The following ZBTB8A variants were observed in gnomAD, a reference collection of about 807,000 sequenced individuals.
ZBTB8A encodes zinc finger and BTB domain containing 8A, also known as zinc finger and BTB domain-containing protein 8A.
A neutral mutation model predicts 37.8 loss-of-function variants in ZBTB8A; 19 were observed. The ratio of observed to expected loss-of-function variants is 0.50; its 90% CI spans 0.35 to 0.74. ZBTB8A has a LOEUF of 0.74. ZBTB8A is among the 30% of genes least tolerant of loss of function. The pLI, the probability that ZBTB8A is intolerant of heterozygous loss-of-function variation, is 0.01. For missense variants in ZBTB8A, 394 were observed against 537.8 expected (o/e 0.73, Z 2.65); for synonymous variants, 181 against 185.2 (o/e 0.98, Z 0.19).
chr1:32,578,848 G>A (rs1005823262), intron 2 of ZBTB8A, among the ~76,000 whole-genome samples: 1 of 151,930 alleles, frequency 6.6e-6, no homozygotes, highest in Non-Finnish European at 1.5e-5. Flanking sequence ...CAAGTAGGCG[G>A]GACTACAGCC....
chr1:32,540,821 C>A (rs1644046900), intron 1 of ZBTB8A, among the ~76,000 whole-genome samples: 2 of 152,312 alleles, frequency 1.3e-5, no homozygotes, highest in South Asian at 4.1e-4. Flanking sequence ...GGGAACCTCT[C>A]TGGCCACACA....
At chr1:32,584,853 T>G (rs889160196) in intron 2 of ZBTB8A, among the ~76,000 whole-genome samples, 1 of 151,674 alleles carries the variant, frequency 6.6e-6, no homozygotes, top group South Asian at 2.1e-4. Context: ...ATTTTAGCAG[T>G]GTTTCCATTC....
At chr1:32,553,647 G>A (rs1644175101) in intron 2 of ZBTB8A, 107 bp downstream of exon 2, 2 of 152,144 alleles carry the variant, frequency 1.3e-5, no homozygotes, top group South Asian at 4.1e-4. Flanking sequence ...AGCACTTTGG[G>A]AGGTCAAGGC....
chr1:32,563,803 C>A (rs1644260975), intron 2 of ZBTB8A, among the ~76,000 whole-genome samples: 1 of 152,090 alleles, frequency 6.6e-6, no homozygotes, highest in Non-Finnish European at 1.5e-5. Flanking sequence ...TTATTTTAGA[C>A]AGGCTCTTCT....
At chr1:32,550,620 G>A (rs933744199) in intron 1 of ZBTB8A, among the ~76,000 whole-genome samples, 3 of 151,320 alleles carry the variant, frequency 2.0e-5, no homozygotes, top group Non-Finnish European at 4.4e-5. Flanking sequence ...AGACCCTGTA[G>A]CAAAAACAAA....
intron 1 of ZBTB8A, among the ~76,000 whole-genome samples, chr1:32,552,949 A>G (rs557997423): frequency 6.7e-6 from 1 of 148,646 alleles, no homozygotes; most frequent in South Asian, 2.1e-4. Context: ...TTATATATTA[A>G]TATTAATTAT....
rs531680570 is a variant in ZBTB8A, at chr1:32,570,880, C to CTTT, written c.-2+17351_-2+17353dup. On this transcript the variant is annotated intron_variant, in intron 2 of 4. Coordinates refer to ENST00000373510, the MANE Select transcript of ZBTB8A (RefSeq NM_001040441.3). Reference sequence around the variant, plus strand: ...TTGTTACTCTTTATGCCTGTTATTTCTTTTTTTTTTTTTAAGACTGAGTCT... The same window carrying CTTT: ...TTGTTACTCTTTATGCCTGTTATTTCTTTTTTTTTTTTTTTTAAGACTGAGTCT... Among the ~76,000 whole-genome samples, 154 of 143,414 alleles carry CTTT rather than the reference C, an allele frequency of 1.1e-3. 1 individual carries two copies. The highest frequency in any genetic ancestry group is 3.8e-3 in the African/African-American group (149 of 39,310). 94.1% of individuals were successfully genotyped at this position (143,414 alleles called of 152,430 possible). A position where few individuals can be genotyped will look rare whatever the true frequency, so the allele number is the denominator to read the frequency against.
chr1:32,572,395 GT>G (rs1020692570), intron 2 of ZBTB8A, among the ~76,000 whole-genome samples: 5 of 147,762 alleles, frequency 3.4e-5, no homozygotes, highest in African/African-American at 9.9e-5. Context: ...CTTGTATTAG[GT>G]TTTTTTTTTC....
intron 2 of ZBTB8A, among the ~76,000 whole-genome samples, chr1:32,590,146 C>G (rs984609078): frequency 6.6e-6 from 1 of 151,826 alleles, no homozygotes; most frequent in Non-Finnish European, 1.5e-5. Context: ...GTTGCCCAGG[C>G]TGGTCTCGAA....
At position 32,548,314 on chromosome 1, in the gene ZBTB8A, T is replaced by C. The variant is rs370268704; in HGVS notation, c.-83-5145T>C. 3.3e-4 allele frequency among the ~76,000 whole-genome samples: 50 copies of C among 152,066 alleles called. 1 individual carries two copies. The highest frequency in any genetic ancestry group is 3.4e-3 in the Middle Eastern group (1 of 294). ...CCAGTCAAAAAACATTTTTTTTTTC[T>C]GTATCCACATTTTTTGTTTTTGTTT... On this transcript the variant is annotated intron_variant, in intron 1 of 4. Transcript: ENST00000373510.
Position 32,595,229 on chromosome 1 carries a change from T to G in ZBTB8A, c.993+6T>G. The G allele has an allele frequency of 3.1e-6, 5 of 1,598,388 alleles. No individual in the cohort carries two copies. The highest frequency in any genetic ancestry group is 4.3e-6 in the Non-Finnish European group (5 of 1,175,740). ...TAAGTAGCCATTTTCGAACAGTATG[T>G]ATGATTTTTTTTCATCGTTTTACTA... On this transcript the variant is annotated splice_donor_region_variant and intron_variant, in intron 4 of 4. Transcript: ENST00000373510.
intron 2 of ZBTB8A, among the ~76,000 whole-genome samples, chr1:32,563,224 G>C (rs1015017712): frequency 2.6e-5 from 4 of 152,138 alleles, no homozygotes; most frequent in Non-Finnish European, 2.9e-5. Flanking sequence ...AATGAGGTTG[G>C]GGGTGGGAAG....
intron 2 of ZBTB8A, among the ~76,000 whole-genome samples, chr1:32,568,476 T>G (rs540346268): frequency 6.6e-6 from 1 of 152,182 alleles, no homozygotes; most frequent in East Asian, 1.9e-4. Context: ...AAGCTCCGCC[T>G]GCCGGGTTCA....
chr1:32,562,650 C>G (rs1252128796), intron 2 of ZBTB8A, among the ~76,000 whole-genome samples: 1 of 148,414 alleles, frequency 6.7e-6, no homozygotes, highest in Non-Finnish European at 1.5e-5. Context: ...GATCTCAGCT[C>G]ACTGCAATCT....
chr1:32,571,694 C>T (rs1015239359), intron 2 of ZBTB8A, among the ~76,000 whole-genome samples: 3 of 152,012 alleles, frequency 2.0e-5, no homozygotes, highest in Admixed American at 1.3e-4. Context: ...CCTGCCTCAG[C>T]GTCCCAAATA....
At chr1:32,550,679 C>G (rs1436382528) in intron 1 of ZBTB8A, among the ~76,000 whole-genome samples, 1 of 151,936 alleles carries the variant, frequency 6.6e-6, no homozygotes, top group Admixed American at 6.6e-5. Context: ...ACAAATTAGG[C>G]CAGGCGTGTT....
chr1:32,571,201 C>T (rs989463955), intron 2 of ZBTB8A, among the ~76,000 whole-genome samples: 1 of 152,190 alleles, frequency 6.6e-6, no homozygotes, highest in Non-Finnish European at 1.5e-5. Context: ...TTTAACATCT[C>T]TTACTGCACT....
intron 3 of ZBTB8A, 117 bp from the exon 4 acceptor site, chr1:32,594,936 CT>C (rs915861797): frequency 4.0e-4 from 433 of 1,075,820 alleles, no homozygotes; most frequent in South Asian, 6.9e-4. Context: ...CTTTTTATTT[CT>C]TTTTTTTTAA....
chr1:32,582,426 T>C (rs1220002985), intron 2 of ZBTB8A, among the ~76,000 whole-genome samples: 2 of 152,104 alleles, frequency 1.3e-5, no homozygotes, highest in Non-Finnish European at 2.9e-5. Context: ...GGTGGGCGGA[T>C]CACCTGAGGT....
Sources: gnomAD v4.1 joint callset for allele counts (sites outside exome capture counted in the v4.1 genomes callset) on GRCh38, gnomAD v4.1.1 for gene constraint, MANE v1.5 for transcripts, NCBI Gene and HGNC (gene_info 2026-07-23, HGNC 2026-07-21) for gene names.